The following GORAB variants were observed in gnomAD, a reference collection of about 807,000 sequenced individuals.
GORAB encodes golgin, RAB6 interacting, also known as RAB6-interacting golgin.
In GORAB, 17 loss-of-function variants were observed where a neutral mutation model predicts 29.9. The observed-to-expected ratio is 0.57, with a 90% CI of 0.39 to 0.85. GORAB has a LOEUF of 0.85. GORAB is among the 40% of genes least tolerant of loss of function. The probability of loss-of-function intolerance (pLI) is 0.00; values close to 1 mark genes in which losing one functional copy is unlikely to be tolerated. For missense variants in GORAB, 442 were observed against 437.8 expected (o/e 1.01, Z -0.09); for synonymous variants, 183 against 157.2 (o/e 1.16, Z -1.23).
At chr1:170,537,751 A>G (rs1388117405) in intron 1 of GORAB, among the ~76,000 whole-genome samples, 16 of 152,246 alleles carry the variant, frequency 1.1e-4, no homozygotes, top group Non-Finnish European at 1.9e-4. Flanking sequence ...CCCCTAATAC[A>G]GAGTGTGGGA....
At chr1:170,533,248 A>G (rs1452579107) in intron 1 of GORAB, among the ~76,000 whole-genome samples, 1 of 152,222 alleles carries the variant, frequency 6.6e-6, no homozygotes, top group Non-Finnish European at 1.5e-5. Context: ...TATGAGAATA[A>G]TCTAGGGCAG....
Position 170,553,362 on chromosome 1 carries a change from TTTG to T in GORAB, c.*903_*905del, listed in dbSNP as rs571207461. 3,029 of 452,638 alleles carry T rather than the reference TTTG, an allele frequency of 6.7e-3. 19 individuals carry two copies. Among genetic ancestry groups the T allele is most frequent in the Non-Finnish European group, 1.0e-2 (2,257 of 226,400 alleles). 28.0% of individuals were successfully genotyped at this position (452,638 alleles called of 1,614,324 possible). The stretch of plus-strand genomic sequence containing the variant: ...GTTAAAATGCTGATTTTCTTATTAG[TTTG>T]TTAATTGCCTGTTACTAGTACTTGA... On this transcript the variant is annotated 3_prime_UTR_variant, in exon 5 of 5. Coordinates refer to ENST00000367763, the MANE Select transcript of GORAB (RefSeq NM_152281.3).
chr1:170,545,490 G>A, intron 4 of GORAB: 3 of 983,752 alleles, frequency 3.0e-6, no homozygotes, highest in Non-Finnish European at 3.6e-6. Flanking sequence ...TTTTTAAAAT[G>A]AACTAACACA....
At position 170,544,743 on chromosome 1, in the gene GORAB, G is replaced by T; in HGVS notation, c.560G>T (p.Arg187Leu). Reference protein sequence around the residue: ...RTQAETMKLKRIQKELQALDD... With the variant: ...RTQAETMKLKLIQKELQALDD... ...CAGGCAGAGACCATGAAACTAAAGC[G>T]GATCCAGAAGGAGTTGCAGGCTTTA... The change falls in exon 4 of 5, where the codon CGG (arginine) becomes CTG (leucine). Residue 187 changes from arginine (R) to leucine (L), a missense_variant. By Grantham distance (102) the Arg-to-Leu change is moderately radical (BLOSUM62 -2). Transcript: ENST00000367763. The T allele has an allele frequency of 6.2e-7, 1 of 1,613,922 alleles. No homozygotes were observed. The highest frequency in any genetic ancestry group is 8.5e-7 in the Non-Finnish European group (1 of 1,179,852).
chr1:170,544,619 A>C (rs1571252571), intron 3 of GORAB, 86 bp from the exon 4 acceptor site: 1 of 967,600 alleles, frequency 1.0e-6, no homozygotes, highest in African/African-American at 1.6e-5. Flanking sequence ...ATGTATATGC[A>C]GTATCTTGCT....
chr1:170,553,287 T>C lies in GORAB; in HGVS notation c.*825T>C, dbSNP rs1464965099. ...TTCTTTCTAAAGTTATCTATAAATA[T>C]GTTTTTGATATGTTGGACATGAATT... On this transcript the variant is annotated 3_prime_UTR_variant, in exon 5 of 5. Transcript: ENST00000367763. 6.7e-6 allele frequency: 3 copies of C among 451,080 alleles called. No individual in the cohort carries two copies. The highest frequency in any genetic ancestry group is 1.3e-5 in the Non-Finnish European group (3 of 226,068). The allele number at this position is 451,080 out of a possible 1,614,324, so 27.9% of individuals were successfully genotyped here.
chr1:170,532,696 C>A, intron 1 of GORAB: 1 of 190,828 alleles, frequency 5.2e-6, no homozygotes, highest in African/African-American at 2.3e-5. Flanking sequence ...TTTATAGAAG[C>A]AGATGGTTGG....
chr1:170,552,589 A>T lies in GORAB; in HGVS notation c.*127A>T. On this transcript the variant is annotated 3_prime_UTR_variant, in exon 5 of 5. Coordinates refer to ENST00000367763, the MANE Select transcript of GORAB (RefSeq NM_152281.3). ...GATTTTTGAATTCATGATTAGTTTT[A>T]GTAAATTAATAGGTTTGGCCATTCT... 1 of 846,234 alleles carries T rather than the reference A, an allele frequency of 1.2e-6. No individual in the cohort carries two copies. The highest frequency in any genetic ancestry group is 2.6e-5 in the East Asian group (1 of 38,652). 52.4% of individuals were successfully genotyped at this position (846,234 alleles called of 1,614,324 possible).
chr1:170,552,193 G>A lies in GORAB; in HGVS notation c.841G>A (p.Glu281Lys), dbSNP rs1386323443. 6.2e-7 allele frequency: 1 copy of A among 1,614,046 alleles called. No individual in the cohort carries two copies. Among genetic ancestry groups the A allele is most frequent in the Non-Finnish European group, 8.5e-7 (1 of 1,180,000 alleles). ...ACAACTAGATGTAGAAGCCGATGAAGAGACTTTGGAGCTTGAGGTGGAGGT... is the reference window on the plus strand; with the variant it reads ...ACAACTAGATGTAGAAGCCGATGAAAAGACTTTGGAGCTTGAGGTGGAGGT... ...MQQLDVEADEETLELEVEVER... is the reference protein window; with the variant it reads ...MQQLDVEADEKTLELEVEVER... The change falls in exon 5 of 5, where the codon GAG (glutamate) becomes AAG (lysine). Residue 281 changes from glutamate to lysine, a missense_variant. Coordinates refer to ENST00000367763, the MANE Select transcript of GORAB (RefSeq NM_152281.3).
intron 2 of GORAB, among the ~76,000 whole-genome samples, chr1:170,540,457 CTAATCTCTGACATCTTTT>C (rs1288487065): frequency 1.4e-5 from 2 of 141,734 alleles, no homozygotes; most frequent in Non-Finnish European, 3.1e-5. Flanking sequence ...TTTTTTTTTT[CTAATCTCTGACATCTTTT>C]TAATCTCTGC....
At chr1:170,550,268 A>G (rs1270390174) in intron 4 of GORAB, among the ~76,000 whole-genome samples, 1 of 152,174 alleles carries the variant, frequency 6.6e-6, no homozygotes, top group African/African-American at 2.4e-5. Context: ...TTCTGTTTAA[A>G]CTGAGATGAG....
chr1:170,550,922 ACT>A (rs1650064032), intron 4 of GORAB, among the ~76,000 whole-genome samples: 1 of 152,134 alleles, frequency 6.6e-6, no homozygotes, highest in Non-Finnish European at 1.5e-5. Flanking sequence ...AGACACGATA[ACT>A]CTTCTTTTTG....
chr1:170,545,827 G>T, intron 4 of GORAB: 1 of 767,780 alleles, frequency 1.3e-6, no homozygotes, highest in Non-Finnish European at 1.6e-6. Context: ...TGTAATTGTT[G>T]TTGGACCATA....
intron 4 of GORAB, chr1:170,545,445 G>T: frequency 3.1e-6 from 3 of 968,046 alleles, no homozygotes; most frequent in Non-Finnish European, 3.7e-6. Flanking sequence ...TTCAACCATT[G>T]GCATTTTTTA....
At chr1:170,545,845 A>C in intron 4 of GORAB, 1 of 585,336 alleles carries the variant, frequency 1.7e-6, no homozygotes, top group Non-Finnish European at 2.2e-6. Flanking sequence ...ATATGCTATT[A>C]GACTTAGAGT....
In GORAB at chr1:170,539,521, C is replaced by G. The variant is rs1649277938; in HGVS notation, c.373C>G (p.Leu125Val). The G allele has an allele frequency of 6.2e-7, 1 of 1,613,926 alleles. No homozygotes were observed. The highest frequency in any genetic ancestry group is 1.7e-5 in the Admixed American group (1 of 60,006). The change falls in exon 2 of 5, where the codon CTA becomes GTA. Residue 125 changes from leucine to valine, a missense_variant. Leu to Val is a conservative substitution (Grantham distance 32). Transcript: ENST00000367763. ...TGATGGTCACAACAATGTTGAGATT[C>G]TACCTCCAAAGCCAGATTGCAAATT... ...SHDGHNNVEI[L>V]PPKPDCKLEK...
In GORAB at chr1:170,532,207, G is replaced by A; in HGVS notation, c.-17G>A. On this transcript the variant is annotated 5_prime_UTR_variant, in exon 1 of 5. Transcript: ENST00000367763. ...GCGAGATTTGGGCACTTTTGGGGGT[G>A]CCGGTGGCCCGGGCCGATGGCGCAA... is the stretch of plus-strand genomic sequence containing the variant. 1 of 1,614,008 alleles carries A rather than the reference G, an allele frequency of 6.2e-7. No homozygotes were observed. Among genetic ancestry groups the A allele is most frequent in the South Asian group, 1.1e-5 (1 of 91,076 alleles).
chr1:170,537,428 T>TC (rs1649130309), intron 1 of GORAB, among the ~76,000 whole-genome samples: 1 of 152,172 alleles, frequency 6.6e-6, no homozygotes, highest in Non-Finnish European at 1.5e-5. Context: ...CTTGAGAGAC[T>TC]AATCAGCAGA....
At chr1:170,538,520 A>T (rs1228961995) in intron 1 of GORAB, among the ~76,000 whole-genome samples, 1 of 152,156 alleles carries the variant, frequency 6.6e-6, no homozygotes, top group Non-Finnish European at 1.5e-5. Flanking sequence ...CTTTAAAGAT[A>T]TTTCCCCCCA....
Sources: allele counts gnomAD v4.1 joint callset (sites outside exome capture counted in the v4.1 genomes callset), GRCh38; gene constraint gnomAD v4.1.1; transcripts MANE v1.5; gene names NCBI Gene and HGNC (gene_info 2026-07-23, HGNC 2026-07-21).